SKP2: variants seen among roughly 807,000 people sequenced by gnomAD.
SKP2 encodes S-phase kinase-associated protein 2.
A neutral mutation model predicts 51.8 loss-of-function variants in SKP2; 16 were observed. The ratio of observed to expected loss-of-function variants is 0.31; its 90% CI spans 0.21 to 0.47. The LOEUF (loss-of-function observed/expected upper bound fraction) is 0.47, where lower values mean the gene tolerates loss of function less well. SKP2 is among the 20% of genes least tolerant of loss of function. The probability of loss-of-function intolerance (pLI) is 1.00; values close to 1 mark genes in which losing one functional copy is unlikely to be tolerated. For synonymous variants in SKP2, 176 were observed against 198.6 expected (o/e 0.89, Z 0.96); for missense variants, 377 against 505.3 (o/e 0.75, Z 2.43).
chr5:36,176,904 C>A, intron 7 of SKP2, 61 bp from the exon 8 acceptor site: 1 of 1,115,288 alleles, frequency 9.0e-7, no homozygotes, highest in South Asian at 1.4e-5. Context: ...GTAGTGATAA[C>A]AAATATCCTT....
chr5:36,166,642 A>G lies in SKP2; in HGVS notation c.516A>G (p.Gln172=), dbSNP rs1349048001. 6.2e-7 allele frequency: 1 copy of G among 1,613,640 alleles called. No homozygotes were observed. Among genetic ancestry groups the G allele is most frequent in the Non-Finnish European group, 8.5e-7 (1 of 1,179,898 alleles). ...AFRCPRSFMD[Q]PLAEHFSPFR... The stretch of plus-strand genomic sequence containing the variant: ...GCTGCCCACGATCATTTATGGACCA[A>G]CCATTGGCTGAACATTTCAGGTAAA... Residue 172 remains glutamine, a synonymous_variant, in exon 4 of 10, where the codon CAA becomes CAG. Transcript: ENST00000274255.
intron 7 of SKP2, among the ~76,000 whole-genome samples, chr5:36,175,792 G>C (rs1745614571): frequency 6.6e-6 from 1 of 151,960 alleles, no homozygotes; most frequent in Non-Finnish European, 1.5e-5. Flanking sequence ...ATGATTAGCA[G>C]TGTATTTCAC....
At chr5:36,156,359 C>G (rs1744946907) in intron 2 of SKP2, among the ~76,000 whole-genome samples, 1 of 152,170 alleles carries the variant, frequency 6.6e-6, no homozygotes, top group Non-Finnish European at 1.5e-5. Flanking sequence ...TAGAACAGGC[C>G]ACACCTGCTG....
chr5:36,188,651 C>A (rs915405954), downstream of SKP2, among the ~76,000 whole-genome samples: 3 of 152,182 alleles, frequency 2.0e-5, no homozygotes, highest in Non-Finnish European at 4.4e-5. Flanking sequence ...TTCTCTCTGG[C>A]TGCCCTTAAC....
chr5:36,177,914 A>T (rs1207500905), intron 9 of SKP2, among the ~76,000 whole-genome samples: 4 of 152,120 alleles, frequency 2.6e-5, no homozygotes, highest in African/African-American at 7.2e-5. Flanking sequence ...GGACAGAGGC[A>T]AAATAGTCAC....
rs1745881536 is a variant in SKP2, at chr5:36,183,517, T to G, written c.*1486T>G. On this transcript the variant is annotated 3_prime_UTR_variant, in exon 10 of 10. Coordinates refer to ENST00000274255, the MANE Select transcript of SKP2 (RefSeq NM_005983.4). ...CTCCTGACCTCATGATCCGCCCGTC[T>G]TGGCCTCCCAAAGTGCTGGGATTAC... is the stretch of plus-strand genomic sequence containing the variant. 1 of 739,346 alleles carries G rather than the reference T, an allele frequency of 1.4e-6. No individual in the cohort carries two copies. The highest frequency in any genetic ancestry group is 1.7e-6 in the Non-Finnish European group (1 of 603,274). 45.8% of individuals were successfully genotyped at this position (739,346 alleles called of 1,614,324 possible). A position where few individuals can be genotyped will look rare whatever the true frequency, so the allele number is the denominator to read the frequency against.
At chr5:36,174,449 T>C (rs113469353) in intron 7 of SKP2, among the ~76,000 whole-genome samples, 224 of 152,256 alleles carry the variant, frequency 1.5e-3, no homozygotes, top group African/African-American at 5.1e-3. Context: ...ATTTTGCTGA[T>C]GGCTAGTTGG....
intron 4 of SKP2, 47 bp downstream of exon 4, chr5:36,166,709 T>G: frequency 6.7e-7 from 1 of 1,482,946 alleles, no homozygotes; most frequent in Non-Finnish European, 9.3e-7. Context: ...AATTTCGAGG[T>G]AGAAACAGAT....
intron 4 of SKP2, 89 bp downstream of exon 4, chr5:36,166,751 C>G: frequency 3.4e-6 from 4 of 1,159,816 alleles, no homozygotes; most frequent in Non-Finnish European, 2.5e-6. Flanking sequence ...CTTTCTTCAG[C>G]CTTAAAGCCT....
chr5:36,155,378 C>G (rs1374438181), intron 2 of SKP2, among the ~76,000 whole-genome samples: 3 of 152,146 alleles, frequency 2.0e-5, no homozygotes, highest in Non-Finnish European at 4.4e-5. Context: ...CTCATTCTTG[C>G]GTTTATCAGC....
At chr5:36,152,633 C>A in intron 1 of SKP2, 138 bp from the exon 2 acceptor site, 1 of 856,264 alleles carries the variant, frequency 1.2e-6, no homozygotes, top group Non-Finnish European at 1.8e-6. Context: ...TAACTCGCCG[C>A]AGGCACATAA....
At chr5:36,154,342 G>A (rs1744870126) in intron 2 of SKP2, among the ~76,000 whole-genome samples, 1 of 152,086 alleles carries the variant, frequency 6.6e-6, no homozygotes, top group African/African-American at 2.4e-5. Flanking sequence ...GCATAAATGT[G>A]ACGTATTTGT....
chr5:36,170,713 T>C (rs1745443903), intron 6 of SKP2, among the ~76,000 whole-genome samples: 1 of 152,234 alleles, frequency 6.6e-6, no homozygotes, highest in South Asian at 2.1e-4. Context: ...ATCAACAGTA[T>C]GGTTGTAAGA....
chr5:36,182,338 C>G lies in SKP2; in HGVS notation c.*307C>G. 9.0e-7 allele frequency: 1 copy of G among 1,110,868 alleles called. No individual in the cohort carries two copies. Among genetic ancestry groups the G allele is most frequent in the South Asian group, 3.2e-5 (1 of 30,900 alleles). 68.8% of individuals were successfully genotyped at this position (1,110,868 alleles called of 1,614,324 possible). On this transcript the variant is annotated 3_prime_UTR_variant, in exon 10 of 10. Transcript: ENST00000274255. ...TGAGCCACCTCTTCCAAGTGCCCTTCTTACTAAGTCTATTCAGAATCAAGC... is the reference window on the plus strand; with the variant it reads ...TGAGCCACCTCTTCCAAGTGCCCTTGTTACTAAGTCTATTCAGAATCAAGC...
chr5:36,169,551 A>AG (rs1448664456), intron 5 of SKP2, among the ~76,000 whole-genome samples: 1 of 152,230 alleles, frequency 6.6e-6, no homozygotes, highest in Non-Finnish European at 1.5e-5. Flanking sequence ...GGTACCATGG[A>AG]GGGTCCATCG....
At chr5:36,176,239 TTTCTCTTTATATAA>T (rs1745628619) in intron 7 of SKP2, among the ~76,000 whole-genome samples, 1 of 151,962 alleles carries the variant, frequency 6.6e-6, no homozygotes, top group African/African-American at 2.4e-5. Context: ...ATTTATCTTT[TTTCTCTTTATATAA>T]GATTAACTCA....
At position 36,180,237 on chromosome 5, in the gene SKP2, GT is replaced by G. The variant is rs746521975; in HGVS notation, c.1062-1578del. ...CCAGAATTCTCATAGTAATTACAACGTTTCCCAAGTTTCACATGAGGGATTC... is the reference window on the plus strand; with the variant it reads ...CCAGAATTCTCATAGTAATTACAACGTTCCCAAGTTTCACATGAGGGATTC... On this transcript the variant is annotated intron_variant, in intron 9 of 9. Transcript: ENST00000274255. The G allele has an allele frequency of 5.2e-6, 7 of 1,342,634 alleles. No individual in the cohort carries two copies. The African/African-American group carries it at 7.4e-5, about 14-fold the overall frequency. 83.2% of individuals were successfully genotyped at this position (1,342,634 alleles called of 1,614,324 possible). A position where few individuals can be genotyped will look rare whatever the true frequency, so the allele number is the denominator to read the frequency against.
Position 36,165,996 on chromosome 5 carries a change from A to C in SKP2, c.393-523A>C, listed in dbSNP as rs540918212. 2.0e-5 allele frequency among the ~76,000 whole-genome samples: 3 copies of C among 152,342 alleles called. No homozygotes were observed. In the South Asian group the frequency reaches 6.2e-4, roughly 32 times the overall value. On this transcript the variant is annotated intron_variant, in intron 3 of 9. Transcript: ENST00000274255. ...AAGCTTCAAATATATTATAAGGCAC[A>C]GCTGAACCATGACTGTTGCTATTGA...
rs369546502 is a variant in SKP2, at chr5:36,182,437, T to C, written c.*406T>C. 6.1e-5 allele frequency: 61 copies of C among 994,448 alleles called. No individual in the cohort carries two copies. The East Asian group carries it at 1.3e-3, about 21-fold the overall frequency. 61.6% of individuals were successfully genotyped at this position (994,448 alleles called of 1,614,324 possible). On this transcript the variant is annotated 3_prime_UTR_variant, in exon 10 of 10. Transcript: ENST00000274255. ...TCTATTTAATTTTATAGTATTGCTT[T>C]ATAAGACAGCTTAGAAGAACAATAA...
Sources: allele counts gnomAD v4.1 joint callset (sites outside exome capture counted in the v4.1 genomes callset), GRCh38; gene constraint gnomAD v4.1.1; transcripts MANE v1.5; gene names NCBI Gene and HGNC (gene_info 2026-07-23, HGNC 2026-07-21).